MXRA7: variants seen among roughly 807,000 people sequenced by gnomAD.
MXRA7 encodes matrix remodeling associated 7.
A neutral mutation model predicts 17.4 loss-of-function variants in MXRA7; 18 were observed. That is an observed-to-expected ratio of 1.03 (90% CI 0.71 to 1.53). MXRA7 has a LOEUF of 1.53. MXRA7 is among the 40% of genes most tolerant of loss of function. The pLI, the probability that MXRA7 is intolerant of heterozygous loss-of-function variation, is 0.00. For synonymous variants in MXRA7, 70 were observed against 101.7 expected (o/e 0.69, Z 1.87); for missense variants, 141 against 209.3 (o/e 0.67, Z 2.01).
downstream of MXRA7, among the ~76,000 whole-genome samples, chr17:76,678,907 C>T (rs894718914): frequency 1.3e-5 from 2 of 152,196 alleles, no homozygotes; most frequent in Non-Finnish European, 2.9e-5. Flanking sequence ...TCCCACTTCC[C>T]AGCCTCCCTT....
intron 1 of MXRA7, among the ~76,000 whole-genome samples, chr17:76,695,837 A>G (rs186709480): frequency 3.7e-4 from 57 of 152,296 alleles, no homozygotes; most frequent in African/African-American, 1.3e-3. Context: ...TTATGCCTGT[A>G]ATCCCAGCAC....
At chr17:76,677,624 G>A (rs766151743), downstream of MXRA7, 21 of 1,612,982 alleles carry the variant, frequency 1.3e-5, no homozygotes, top group East Asian at 2.9e-4. Flanking sequence ...CCTGCACGTC[G>A]CCGTCGGACA....
rs536584132 is a variant in MXRA7 at position 76,699,551 on chromosome 17, ATC to A, written c.342+11052_342+11053del. 2.4e-3 allele frequency among the ~76,000 whole-genome samples: 358 copies of A among 152,302 alleles called. 4 individuals are homozygous for A. The highest frequency in any genetic ancestry group is 0.016 in the South Asian group (76 of 4,830). ...TGCCTGACCTTGTTCAATTTCAATA[ATC>A]TCTGTTTCTCCAAGTTCTACTTCCA... On this transcript the variant is annotated intron_variant, in intron 1 of 3. Transcript: ENST00000449428.
downstream of MXRA7, among the ~76,000 whole-genome samples, chr17:76,678,760 G>C (rs1256753257): frequency 6.6e-6 from 1 of 152,116 alleles, no homozygotes; most frequent in Non-Finnish European, 1.5e-5. Flanking sequence ...TGCCTGGAGG[G>C]GTGGTCTCCA....
intron 2 of MXRA7, 86 bp from the exon 3 acceptor site, chr17:76,685,251 G>GA: frequency 1.0e-6 from 1 of 958,454 alleles, no homozygotes; most frequent in East Asian, 2.4e-5. Flanking sequence ...GGTTTAAAAA[G>GA]AAACACCTCA....
downstream of MXRA7, among the ~76,000 whole-genome samples, chr17:76,677,932 T>C (rs943148279): frequency 6.6e-6 from 1 of 152,036 alleles, no homozygotes; most frequent in Non-Finnish European, 1.5e-5. Flanking sequence ...AAATCTCAGG[T>C]TTGCCGGGGA....
At chr17:76,696,113 A>G (rs778526488) in intron 1 of MXRA7, among the ~76,000 whole-genome samples, 5 of 152,124 alleles carry the variant, frequency 3.3e-5, no homozygotes, top group Non-Finnish European at 5.9e-5. Flanking sequence ...AAAAAGAAAG[A>G]AAGAAACAGT....
In MXRA7 at chr17:76,681,580, A is replaced by G. The variant is rs2076304101; in HGVS notation, c.501-701T>C. On this transcript the variant is annotated intron_variant, in intron 3 of 3. Coordinates refer to ENST00000449428, the MANE Select transcript of MXRA7 (RefSeq NM_198530.4). This position sits in a 1 kb window ranked among gnomAD's most constrained non-coding sequence, Gnocchi z 4.7. The stretch of plus-strand genomic sequence containing the variant: ...CTCCCCTTCCCTGTTTTACCACACT[A>G]GCACCTTCCTCTAGAGTCATGTCCA... Among the ~76,000 whole-genome samples the G allele has an allele frequency of 6.6e-6, 1 of 152,132 alleles. No individual in the cohort carries two copies. The highest frequency in any genetic ancestry group is 2.4e-5 in the African/African-American group (1 of 41,424).
intron 1 of MXRA7, among the ~76,000 whole-genome samples, chr17:76,701,377 G>A (rs1365405381): frequency 1.3e-5 from 2 of 151,928 alleles, no homozygotes; most frequent in Non-Finnish European, 2.9e-5. Flanking sequence ...GATCCGGGAT[G>A]AGATGAGGAA....
intron 1 of MXRA7, among the ~76,000 whole-genome samples, chr17:76,692,218 G>A (rs8081181): frequency 0.72 from 106,274 of 147,734 alleles, 39,296 homozygotes; most frequent in Non-Finnish European, 0.82. Flanking sequence ...GTCACCAAAA[G>A]AAAAAAAAAA....
At position 76,706,332 on chromosome 17, in the gene MXRA7, G is replaced by GCTGCCGTCACAGAGGCCCACT. The variant is rs1567990982; in HGVS notation, c.342+4272_342+4273insAGTGGGCCTCTGTGACGGCAG. 5.4e-3 allele frequency among the ~76,000 whole-genome samples: 61 copies of GCTGCCGTCACAGAGGCCCACT among 11,268 alleles called. 11 individuals are homozygous for GCTGCCGTCACAGAGGCCCACT. The highest frequency in any genetic ancestry group is 7.1e-3 in the Non-Finnish European group (27 of 3,792). The allele number at this position is 11,268 out of a possible 152,430, so 7.4% of individuals were successfully genotyped here. On this transcript the variant is annotated intron_variant, in intron 1 of 3. Transcript: ENST00000449428. Reference sequence around the variant, plus strand: ...CCACGCTGCCATCACAAAGGACCACGCTGCCATCACAGAGGCCCACTCTGC... The same window carrying GCTGCCGTCACAGAGGCCCACT: ...CCACGCTGCCATCACAAAGGACCACGCTGCCGTCACAGAGGCCCACTCTGCCATCACAGAGGCCCACTCTGC...
At chr17:76,701,504 G>A (rs989167844) in intron 1 of MXRA7, among the ~76,000 whole-genome samples, 1 of 152,032 alleles carries the variant, frequency 6.6e-6, no homozygotes, top group Non-Finnish European at 1.5e-5. Context: ...GTATAGATGT[G>A]GGCACCATCA....
intron 1 of MXRA7, among the ~76,000 whole-genome samples, chr17:76,695,347 G>T (rs2143647420): frequency 1.1e-5 from 1 of 90,182 alleles, no homozygotes; most frequent in Non-Finnish European, 2.2e-5. Context: ...TGGCTCTTTA[G>T]CTTCAGGTGT....
chr17:76,695,855 G>A (rs949527824), intron 1 of MXRA7, among the ~76,000 whole-genome samples: 9 of 152,190 alleles, frequency 5.9e-5, no homozygotes, highest in Admixed American at 5.2e-4. Flanking sequence ...CACTTTGGGA[G>A]GTTAAGGCAG....
chr17:76,680,520 T>C lies in MXRA7; in HGVS notation c.*347A>G, dbSNP rs2076287908. ...GTGAAAGTGAACTCTGCTTTTAAAA[T>C]GTTCTTTTTATCTAAGGTGTGCAGG... On this transcript the variant is annotated 3_prime_UTR_variant, in exon 4 of 4. Coordinates refer to ENST00000449428, the MANE Select transcript of MXRA7 (RefSeq NM_198530.4). 1 of 1,047,794 alleles carries C rather than the reference T, an allele frequency of 9.5e-7. No individual in the cohort carries two copies. Among genetic ancestry groups the C allele is most frequent in the Non-Finnish European group, 1.1e-6 (1 of 870,648 alleles). 64.9% of individuals were successfully genotyped at this position (1,047,794 alleles called of 1,614,324 possible).
intron 1 of MXRA7, among the ~76,000 whole-genome samples, chr17:76,692,984 C>T (rs2143640360): frequency 6.6e-6 from 1 of 151,778 alleles, no homozygotes. Context: ...CTGCCTGTCC[C>T]TCCAGACACT....
At chr17:76,682,831 T>C (rs1254311054) in intron 3 of MXRA7, among the ~76,000 whole-genome samples, 4 of 152,126 alleles carry the variant, frequency 2.6e-5, no homozygotes, top group Non-Finnish European at 5.9e-5. Context: ...AACTGCAGCA[T>C]GCAGAGGAGT....
At chr17:76,675,692 A>C (rs1205120353), downstream of MXRA7, 3 of 152,248 alleles carry the variant, frequency 2.0e-5, no homozygotes, top group African/African-American at 7.2e-5. Context: ...ACATTAAAAC[A>C]ATTTCAAGAA....
At position 76,685,145 on chromosome 17, in the gene MXRA7, A is replaced by C; in HGVS notation, c.427T>G (p.Tyr143Asp). ...EEDGEGFSFKYSPGKLRGNQY... is the reference protein window; with the variant it reads ...EEDGEGFSFKDSPGKLRGNQY... The stretch of plus-strand genomic sequence containing the variant: ...TTTCCCCTCAGCTTCCCGGGGCTGT[A>C]TTTGAAGGAGAAGCCTTCTCCTGTG... The change falls in exon 3 of 4, where the codon TAC becomes GAC. Residue 143 changes from tyrosine to aspartate, a missense_variant. Coordinates refer to ENST00000449428, the MANE Select transcript of MXRA7 (RefSeq NM_198530.4). The C allele has an allele frequency of 6.2e-7, 1 of 1,613,752 alleles. No individual in the cohort carries two copies. Among genetic ancestry groups the C allele is most frequent in the Non-Finnish European group, 8.5e-7 (1 of 1,179,898 alleles).
Sources: gnomAD v4.1 joint callset for allele counts (sites outside exome capture counted in the v4.1 genomes callset) on GRCh38, gnomAD v4.1.1 for gene constraint, Gnocchi (gnomAD v3.1) non-coding constraint, MANE v1.5 for transcripts, NCBI Gene and HGNC (gene_info 2026-07-23, HGNC 2026-07-21) for gene names.